ADAMTS2: variants seen among roughly 807,000 people sequenced by gnomAD.
ADAMTS2 encodes the protein A disintegrin and metalloproteinase with thrombospondin motifs 2.
Under a neutral mutation model 123.0 loss-of-function variants are expected in ADAMTS2, and 50 were observed. The observed-to-expected ratio is 0.41, with a 90% CI of 0.32 to 0.51. ADAMTS2 has a LOEUF of 0.51. ADAMTS2 is among the 20% of genes least tolerant of loss of function. The pLI is 0.35. For missense variants in ADAMTS2, 1,494 were observed against 1,705.2 expected (o/e 0.88, Z 2.18); for synonymous variants, 678 against 695.4 (o/e 0.98, Z 0.39).
chr5:179,329,105 A>AT (rs1424022338), intron 2 of ADAMTS2, among the ~76,000 whole-genome samples: 1 of 152,162 alleles, frequency 6.6e-6, no homozygotes, highest in East Asian at 1.9e-4. Context: ...AGGAGGGCGG[A>AT]TCACGAGGTC....
At chr5:179,271,453 G>T (rs1279517495) in intron 3 of ADAMTS2, among the ~76,000 whole-genome samples, 1 of 152,222 alleles carries the variant, frequency 6.6e-6, no homozygotes, top group Admixed American at 6.5e-5. Flanking sequence ...CACTGGGCTT[G>T]CCCGACAGCA....
Position 179,307,337 on chromosome 5 carries a change from C to T in ADAMTS2, c.535-34273G>A, listed in dbSNP as rs573603278. On this transcript the variant is annotated intron_variant, in intron 2 of 21. Coordinates refer to ENST00000251582, the MANE Select transcript of ADAMTS2 (RefSeq NM_014244.5). The surrounding 1 kb of genome is among the most constrained non-coding windows in gnomAD (Gnocchi z 5.6). ...CCGGCCCTCTCAGGGCTCGAGCACC[C>T]GGCCAACCCTGGGTGGCCACTGCTC... Among the ~76,000 whole-genome samples, 8 of 152,268 alleles carry T rather than the reference C, an allele frequency of 5.3e-5. No individual in the cohort carries two copies. The South Asian group carries it at 1.7e-3, about 32-fold the overall frequency.
chr5:179,114,839 C>T (rs1055491559), intron 21 of ADAMTS2, among the ~76,000 whole-genome samples: 3 of 152,218 alleles, frequency 2.0e-5, no homozygotes, highest in African/African-American at 7.2e-5. Context: ...GCTGTGGCCC[C>T]ACCATGCTCC....
At position 179,280,939 on chromosome 5, in the gene ADAMTS2, A is replaced by G. The variant is rs546881088; in HGVS notation, c.535-7875T>C. ...GTGGCGCAACCTCAGCTCACTGCAA[A>G]CTCTGCCTCCCATTTTTAAGCGATT... On this transcript the variant is annotated intron_variant, in intron 2 of 21. Transcript: ENST00000251582. Among the ~76,000 whole-genome samples the G allele has an allele frequency of 1.6e-4, 24 of 152,156 alleles. No individual in the cohort carries two copies. The South Asian group carries it at 2.5e-3, about 16-fold the overall frequency.
Position 179,155,939 on chromosome 5 carries a change from A to C in ADAMTS2, c.1133-1020T>G, listed in dbSNP as rs1763460796. Among the ~76,000 whole-genome samples the C allele has an allele frequency of 6.6e-6, 1 of 152,076 alleles. No homozygotes were observed. Among genetic ancestry groups the C allele is most frequent in the African/African-American group, 2.4e-5 (1 of 41,392 alleles). ...GGTGAGCTGGCGGTGTACGCGCCTA[A>C]AAATAGAAGCATCGTGATCTAACCC... On this transcript the variant is annotated intron_variant, in intron 6 of 21. Coordinates refer to ENST00000251582, the MANE Select transcript of ADAMTS2 (RefSeq NM_014244.5). The surrounding 1 kb of genome is among the most constrained non-coding windows in gnomAD (Gnocchi z 5.1).
At chr5:179,187,543 C>CGTAA (rs1296867908) in intron 4 of ADAMTS2, among the ~76,000 whole-genome samples, 1 of 152,202 alleles carries the variant, frequency 6.6e-6, no homozygotes, top group Non-Finnish European at 1.5e-5. Flanking sequence ...TATGACCCAG[C>CGTAA]GTAGGCCTGT....
intron 3 of ADAMTS2, among the ~76,000 whole-genome samples, chr5:179,236,651 C>A (rs1488556285): frequency 6.6e-6 from 1 of 152,058 alleles, no homozygotes; most frequent in Non-Finnish European, 1.5e-5. Flanking sequence ...ATTAGCCAAA[C>A]GTAATGGGGT....
chr5:179,325,542 C>T (rs1355686599), intron 2 of ADAMTS2, among the ~76,000 whole-genome samples: 1 of 152,240 alleles, frequency 6.6e-6, no homozygotes, highest in Non-Finnish European at 1.5e-5. Context: ...AGTCCTGTGA[C>T]GAGGCCTGGC....
intron 3 of ADAMTS2, among the ~76,000 whole-genome samples, chr5:179,244,618 T>C (rs1765740661): frequency 6.6e-6 from 1 of 152,232 alleles, no homozygotes; most frequent in African/African-American, 2.4e-5. Context: ...TATAAATGGG[T>C]ATTTCTTCTC....
At chr5:179,274,538 A>C (rs1408152304) in intron 2 of ADAMTS2, among the ~76,000 whole-genome samples, 1 of 150,250 alleles carries the variant, frequency 6.7e-6, no homozygotes, top group Non-Finnish European at 1.5e-5. Context: ...CGGAAACCAC[A>C]CCCCCCCCAA....
At position 179,175,023 on chromosome 5, in the gene ADAMTS2, T is replaced by C. The variant is rs369347792; in HGVS notation, c.975+6049A>G. On this transcript the variant is annotated intron_variant, in intron 5 of 21. Coordinates refer to ENST00000251582, the MANE Select transcript of ADAMTS2 (RefSeq NM_014244.5). This position sits in a 1 kb window ranked among gnomAD's most constrained non-coding sequence, Gnocchi z 4.1. ...GGAGGAAGTCTCTTCCTTGCTTGGG[T>C]TCCGCAGCTGTCTCAGCCATTCTTG... Among the ~76,000 whole-genome samples, 4 of 150,822 alleles carry C rather than the reference T, an allele frequency of 2.7e-5. No individual in the cohort carries two copies. The highest frequency in any genetic ancestry group is 4.2e-4 in the South Asian group (2 of 4,766).
intron 4 of ADAMTS2, among the ~76,000 whole-genome samples, chr5:179,194,493 C>A (rs1010482355): frequency 6.6e-6 from 1 of 152,210 alleles, no homozygotes; most frequent in Non-Finnish European, 1.5e-5. Context: ...AGAGGCAGAG[C>A]GGATGGCCTG....
chr5:179,179,424 T>C (rs1249356911), intron 5 of ADAMTS2, among the ~76,000 whole-genome samples: 1 of 152,188 alleles, frequency 6.6e-6, no homozygotes, highest in Non-Finnish European at 1.5e-5. Flanking sequence ...TCTGTAATTT[T>C]TAAGTGTTCT....
intron 11 of ADAMTS2, among the ~76,000 whole-genome samples, chr5:179,138,331 G>A (rs1233913643): frequency 6.6e-6 from 1 of 152,210 alleles, no homozygotes; most frequent in African/African-American, 2.4e-5. Context: ...ACCCCAGCAC[G>A]GCAGGAGCTG....
chr5:179,291,993 C>T (rs926015289), intron 2 of ADAMTS2, among the ~76,000 whole-genome samples: 2 of 152,002 alleles, frequency 1.3e-5, no homozygotes, highest in African/African-American at 4.8e-5. Context: ...ATCCTACTGC[C>T]TTGGTCTCCC....
At position 179,175,586 on chromosome 5, in the gene ADAMTS2, G is replaced by C. The variant is rs914033543; in HGVS notation, c.975+5486C>G. Among the ~76,000 whole-genome samples, 2 of 152,112 alleles carry C rather than the reference G, an allele frequency of 1.3e-5. No homozygotes were observed. The highest frequency in any genetic ancestry group is 4.8e-5 in the African/African-American group (2 of 41,424). On this transcript the variant is annotated intron_variant, in intron 5 of 21. Transcript: ENST00000251582. This position sits in a 1 kb window ranked among gnomAD's most constrained non-coding sequence, Gnocchi z 4.1. ...TCTCCCTGTTTTCCCCACTACCAAG[G>C]CTGTTGTTTTTGGTTCACACAGAAG...
At chr5:179,201,593 T>C (rs1351297958) in intron 4 of ADAMTS2, among the ~76,000 whole-genome samples, 1 of 129,840 alleles carries the variant, frequency 7.7e-6, no homozygotes, top group Non-Finnish European at 1.6e-5. Flanking sequence ...AAGACCAGCC[T>C]GGCCAACATG....
At chr5:179,217,809 ACACTCACTAGGG>A (rs1765024392) in intron 3 of ADAMTS2, among the ~76,000 whole-genome samples, 1 of 70,142 alleles carries the variant, frequency 1.4e-5, no homozygotes, top group African/African-American at 5.7e-5. Flanking sequence ...GGGGATGGGC[ACACTCACTAGGG>A]GATGGCCTGA....
chr5:179,234,868 T>C lies in ADAMTS2; in HGVS notation c.689-27153A>G, dbSNP rs1322624648. 1.3e-5 allele frequency among the ~76,000 whole-genome samples: 2 copies of C among 152,164 alleles called. No individual in the cohort carries two copies. Among genetic ancestry groups the C allele is most frequent in the Non-Finnish European group, 2.9e-5 (2 of 68,024 alleles). ...TGAGCTTGCCCCCATTAAAATCCTCTGTACCTCCCTCTTCCCAAGCCTAGC... is the reference window on the plus strand; with the variant it reads ...TGAGCTTGCCCCCATTAAAATCCTCCGTACCTCCCTCTTCCCAAGCCTAGC... On this transcript the variant is annotated intron_variant, in intron 3 of 21. Coordinates refer to ENST00000251582, the MANE Select transcript of ADAMTS2 (RefSeq NM_014244.5). This position sits in a 1 kb window ranked among gnomAD's most constrained non-coding sequence, Gnocchi z 4.7.
Sources: gnomAD v4.1 joint callset for allele counts (sites outside exome capture counted in the v4.1 genomes callset) on GRCh38, gnomAD v4.1.1 for gene constraint, Gnocchi (gnomAD v3.1) non-coding constraint, MANE v1.5 for transcripts, NCBI Gene and HGNC (gene_info 2026-07-23, HGNC 2026-07-21) for gene names.